The following UHRF2 variants were observed in gnomAD, a reference collection of about 807,000 sequenced individuals.
The protein encoded by UHRF2 is E3 ubiquitin-protein ligase UHRF2.
Under a neutral mutation model 96.8 loss-of-function variants are expected in UHRF2, and 23 were observed. The observed-to-expected ratio is 0.24, with a 90% CI of 0.17 to 0.34. The LOEUF (loss-of-function observed/expected upper bound fraction) is 0.34. Ranked by LOEUF, UHRF2 falls within the 10% of genes least tolerant of loss-of-function variation. The pLI, the probability that UHRF2 is intolerant of heterozygous loss-of-function variation, is 1.00. For missense variants in UHRF2, 685 were observed against 981.5 expected (o/e 0.70, Z 4.04); for synonymous variants, 385 against 332.6 (o/e 1.16, Z -1.72).
In UHRF2 at chr9:6,432,934, G is replaced by A. The variant is rs550565055; in HGVS notation, c.385-980G>A. ...CCGTTCACTGCAACCTCCACCTCCC[G>A]GGTTCAAGTGATTCTCCTGCCTTAG... On this transcript the variant is annotated intron_variant, in intron 2 of 15. Coordinates refer to ENST00000276893, the MANE Select transcript of UHRF2 (RefSeq NM_152896.3). 4.6e-5 allele frequency among the ~76,000 whole-genome samples: 7 copies of A among 151,746 alleles called. No individual in the cohort carries two copies. The East Asian group carries it at 7.8e-4, about 17-fold the overall frequency.
At chr9:6,498,676 G>T (rs13284032) in intron 12 of UHRF2, 4,860 of 153,460 alleles carry the variant, frequency 0.032, 96 homozygotes, top group Middle Eastern at 0.067. Flanking sequence ...ATGCTCAGCT[G>T]TTAACCCATA....
chr9:6,484,065 C>A (rs1175953944), intron 8 of UHRF2, among the ~76,000 whole-genome samples: 1 of 149,104 alleles, frequency 6.7e-6, no homozygotes, highest in Non-Finnish European at 1.5e-5. Context: ...CTTCTTATTT[C>A]TTTCTTTCTT....
intron 8 of UHRF2, chr9:6,484,795 T>C (rs1162195328): frequency 1.4e-5 from 2 of 140,384 alleles, no homozygotes; most frequent in Non-Finnish European, 3.1e-5. Context: ...CTTTTTTTTT[T>C]TTTTTTTTTT....
chr9:6,422,700 G>A, intron 2 of UHRF2: 2 of 565,790 alleles, frequency 3.5e-6, no homozygotes, highest in Non-Finnish European at 3.3e-6. Flanking sequence ...GCCTTGACCT[G>A]CTGGGGTCAA....
At position 6,448,996 on chromosome 9, in the gene UHRF2, C is replaced by T. The variant is rs1339983761; in HGVS notation, c.645-11577C>T. 2.6e-5 allele frequency among the ~76,000 whole-genome samples: 4 copies of T among 152,194 alleles called. No individual in the cohort carries two copies. The East Asian group carries it at 7.7e-4, about 29-fold the overall frequency. ...CCCATCACCTTGCTTTAACCATCAT[C>T]AACTCATAGCCAATTTTGTCTTTAC... is the stretch of plus-strand genomic sequence containing the variant. On this transcript the variant is annotated intron_variant, in intron 3 of 15. Transcript: ENST00000276893.
intron 3 of UHRF2, among the ~76,000 whole-genome samples, chr9:6,445,964 C>G (rs1389454637): frequency 3.8e-5 from 2 of 53,300 alleles, no homozygotes; most frequent in African/African-American, 5.3e-5. Flanking sequence ...GGTAAATACT[C>G]TTCCCCCCCC....
chr9:6,452,339 T>C (rs1821924912), intron 3 of UHRF2, among the ~76,000 whole-genome samples: 1 of 152,238 alleles, frequency 6.6e-6, no homozygotes, highest in Non-Finnish European at 1.5e-5. Context: ...AGCAAATGTA[T>C]AGACAGTGTT....
intron 12 of UHRF2, 75 bp downstream of exon 12, chr9:6,498,233 T>G: frequency 6.8e-7 from 1 of 1,480,740 alleles, no homozygotes; most frequent in East Asian, 2.4e-5. Context: ...GCCTTAACAC[T>G]GGATATAACC....
chr9:6,486,028 T>G (rs1387033553), intron 8 of UHRF2, among the ~76,000 whole-genome samples: 1 of 152,114 alleles, frequency 6.6e-6, no homozygotes, highest in African/African-American at 2.4e-5. Flanking sequence ...TATATGTTCC[T>G]TGAAGGAGAA....
chr9:6,414,550 C>G (rs541839374), intron 1 of UHRF2, among the ~76,000 whole-genome samples: 1 of 152,172 alleles, frequency 6.6e-6, no homozygotes, highest in Non-Finnish European at 1.5e-5. Context: ...ATCTATATCC[C>G]TAGCCACTCA....
chr9:6,487,586 C>T (rs1824382697), intron 9 of UHRF2, among the ~76,000 whole-genome samples: 2 of 152,182 alleles, frequency 1.3e-5, no homozygotes, highest in South Asian at 2.1e-4. Context: ...AGGCTGGTCT[C>T]GAACTCCTGA....
chr9:6,485,123 A>G (rs963770271), intron 8 of UHRF2, among the ~76,000 whole-genome samples: 11 of 152,052 alleles, frequency 7.2e-5, no homozygotes, highest in Admixed American at 6.5e-4. Context: ...AAGATGAAAC[A>G]TTTAGTTTAA....
chr9:6,470,924 G>C (rs1022414820), intron 4 of UHRF2, among the ~76,000 whole-genome samples: 3 of 152,122 alleles, frequency 2.0e-5, no homozygotes, highest in Non-Finnish European at 4.4e-5. Context: ...AAACACAACT[G>C]TATCAGCCTT....
rs1392433120 is a variant in UHRF2, at chr9:6,493,937, T to C, written c.1604+5T>C. ...AACATTAACAAACATGAACAGGTAC[T>C]ACTATAGACACTGTTTAGAATTTGA... On this transcript the variant is annotated splice_donor_5th_base_variant and intron_variant, in intron 10 of 15. Coordinates refer to ENST00000276893, the MANE Select transcript of UHRF2 (RefSeq NM_152896.3). 2 of 1,611,082 alleles carry C rather than the reference T, an allele frequency of 1.2e-6. No individual in the cohort carries two copies. Among genetic ancestry groups the C allele is most frequent in the African/African-American group, 2.7e-5 (2 of 74,854 alleles).
chr9:6,475,344 C>G (rs762922541), intron 4 of UHRF2, 47 bp from the exon 5 acceptor site: 2 of 1,217,026 alleles, frequency 1.6e-6, no homozygotes, highest in Non-Finnish European at 1.1e-6. Context: ...TTGTATATAC[C>G]TTAGATTTTG....
chr9:6,457,533 C>G (rs776071665), intron 3 of UHRF2, among the ~76,000 whole-genome samples: 5 of 152,184 alleles, frequency 3.3e-5, no homozygotes, highest in Admixed American at 6.5e-5. Context: ...GCCAGAACTT[C>G]CAACACTCTG....
chr9:6,428,138 A>G (rs1168702293), intron 2 of UHRF2, among the ~76,000 whole-genome samples: 1 of 152,218 alleles, frequency 6.6e-6, no homozygotes, highest in African/African-American at 2.4e-5. Context: ...TGCTCATTGT[A>G]TAATAGAAAG....
At chr9:6,425,286 C>T (rs955668188) in intron 2 of UHRF2, among the ~76,000 whole-genome samples, 1 of 152,152 alleles carries the variant, frequency 6.6e-6, no homozygotes, top group African/African-American at 2.4e-5. Flanking sequence ...TTTAGAAACT[C>T]GTTTATTTGA....
chr9:6,497,098 C>T (rs1825015414), intron 10 of UHRF2, 100 bp from the exon 11 acceptor site: 3 of 993,146 alleles, frequency 3.0e-6, no homozygotes, highest in African/African-American at 1.6e-5. Context: ...GAATCTTAAC[C>T]ATCAGGTAAG....
Sources: allele counts gnomAD v4.1 joint callset (sites outside exome capture counted in the v4.1 genomes callset), GRCh38; gene constraint gnomAD v4.1.1; transcripts MANE v1.5; gene names NCBI Gene and HGNC (gene_info 2026-07-23, HGNC 2026-07-21).